The following DNAH7 variants were observed in gnomAD, a reference collection of about 807,000 sequenced individuals.
DNAH7 encodes dynein axonemal heavy chain 7.
DNAH7 carries 397 observed loss-of-function variants against 444.6 expected under a neutral mutation model. That is an observed-to-expected ratio of 0.89 (90% CI 0.82 to 0.97). DNAH7 has a LOEUF of 0.97. Ranked by LOEUF, DNAH7 falls within the 50% of genes least tolerant of loss-of-function variation. The pLI, the probability that DNAH7 is intolerant of heterozygous loss-of-function variation, is 0.00. For synonymous variants in DNAH7, 1,636 were observed against 1,624.4 expected, an observed-to-expected ratio of 1.01 and a Z score of -0.17; for missense variants, 4,902 against 4,800.8, an observed-to-expected ratio of 1.02 and a Z score of -0.62.
At chr2:196,033,986 G>T (rs1172135928) in intron 5 of DNAH7, among the ~76,000 whole-genome samples, 1 of 152,080 alleles carries the variant, frequency 6.6e-6, no homozygotes, top group Non-Finnish European at 1.5e-5. Flanking sequence ...GTGAAAATCT[G>T]AATGCTTTCT....
chr2:195,836,836 A>G (rs893176772), intron 47 of DNAH7, among the ~76,000 whole-genome samples: 4 of 152,220 alleles, frequency 2.6e-5, no homozygotes, highest in Admixed American at 2.6e-4. Context: ...TCACTCTTGT[A>G]TCACTTCCAC....
In DNAH7 at chr2:195,816,957, T is replaced by G. The variant is rs1345417984; in HGVS notation, c.9432A>C (p.Leu3144Phe). The G allele has an allele frequency of 6.3e-7, 1 of 1,584,518 alleles. No individual in the cohort carries two copies. Among genetic ancestry groups the G allele is most frequent in the African/African-American group, 1.4e-5 (1 of 73,294 alleles). ...CTAAAATCTTGTCTTCTATTTCTTT[T>G]AACTGCCTGGAATAAAACAAAATTT... ...ILQGAENKRQ[L>F]KEIEDKILEV... The change falls in exon 51 of 65, where the codon TTA becomes TTC. Residue 3144 changes from leucine (L) to phenylalanine (F), a missense_variant. By Grantham distance (22) the Leu-to-Phe change is conservative (BLOSUM62 0). Coordinates refer to ENST00000312428, the MANE Select transcript of DNAH7 (RefSeq NM_018897.3).
intron 63 of DNAH7, among the ~76,000 whole-genome samples, chr2:195,750,492 GAATT>G (rs1418655153): frequency 2.6e-5 from 4 of 152,156 alleles, no homozygotes; most frequent in Non-Finnish European, 5.9e-5. Context: ...TCATGCATCT[GAATT>G]AAATACTTAA....
chr2:195,995,056 A>C, intron 12 of DNAH7: 1 of 252,616 alleles, frequency 4.0e-6, no homozygotes, highest in Non-Finnish European at 7.7e-6. Flanking sequence ...CAGCCTCCCG[A>C]GCAGCTGGGA....
intron 15 of DNAH7, among the ~76,000 whole-genome samples, chr2:195,978,352 A>C (rs1243371699): frequency 6.6e-6 from 1 of 152,156 alleles, no homozygotes; most frequent in Non-Finnish European, 1.5e-5. Context: ...AAATTATAAG[A>C]TATTATTTGC....
At chr2:195,961,022 A>G in intron 17 of DNAH7, 77 bp from the exon 18 acceptor site, 1 of 1,245,148 alleles carries the variant, frequency 8.0e-7, no homozygotes, top group Non-Finnish European at 1.1e-6. Context: ...TTAAATATCT[A>G]TTTCAAATGT....
In DNAH7 at chr2:195,891,803, C is replaced by A. The variant is rs201322340; in HGVS notation, c.4898G>T (p.Gly1633Val). The change falls in exon 31 of 65, where the codon GGG becomes GTG. Residue 1633 changes from glycine to valine, a missense_variant and splice_region_variant. Coordinates refer to ENST00000312428, the MANE Select transcript of DNAH7 (RefSeq NM_018897.3). ...TTGAACTTTGTTTTCTTCCATTAGC[C>A]CCTTAATGAAAAAAAAAAACATTTA... The part of the protein sequence containing the change: ...AGALNDICEK[G>V]LMEENKVQIT... 15 of 1,469,100 alleles carry A rather than the reference C, an allele frequency of 1.0e-5. No homozygotes were observed. The highest frequency in any genetic ancestry group is 2.5e-5 in the Admixed American group (1 of 40,782). The allele number at this position is 1,469,100 out of a possible 1,614,324, so 91.0% of individuals were successfully genotyped here. A position where few individuals can be genotyped will look rare whatever the true frequency, so the allele number is the denominator to read the frequency against.
intron 15 of DNAH7, among the ~76,000 whole-genome samples, chr2:195,974,789 C>T (rs1692074164): frequency 6.6e-6 from 1 of 151,402 alleles, no homozygotes; most frequent in Non-Finnish European, 1.5e-5. Context: ...CACACACACA[C>T]ACACACAGTC....
chr2:196,042,044 T>C (rs115268003), intron 5 of DNAH7, among the ~76,000 whole-genome samples: 4,248 of 151,830 alleles, frequency 0.028, 95 homozygotes, highest in East Asian at 0.089. Context: ...ATGGCTATTA[T>C]CAAAAAGACA....
chr2:195,945,959 G>T (rs569293942), intron 19 of DNAH7, among the ~76,000 whole-genome samples: 1 of 152,120 alleles, frequency 6.6e-6, no homozygotes, highest in Non-Finnish European at 1.5e-5. Flanking sequence ...TCTCAAGAAG[G>T]GGGGCCCAAG....
intron 1 of DNAH7, among the ~76,000 whole-genome samples, chr2:196,062,995 G>A (rs1164049764): frequency 6.6e-6 from 1 of 152,126 alleles, no homozygotes; most frequent in East Asian, 1.9e-4. Flanking sequence ...CCATTCTCCT[G>A]CCTAAGCCTC....
At chr2:195,804,905 C>G (rs374234045) in intron 54 of DNAH7, among the ~76,000 whole-genome samples, 2 of 151,996 alleles carry the variant, frequency 1.3e-5, no homozygotes, top group East Asian at 3.8e-4. Context: ...GAAGATGATA[C>G]AAGACAGAGG....
At chr2:195,875,100 A>G (rs1289351074) in intron 38 of DNAH7, among the ~76,000 whole-genome samples, 1 of 152,208 alleles carries the variant, frequency 6.6e-6, no homozygotes, top group Non-Finnish European at 1.5e-5. Flanking sequence ...CTCTACACAG[A>G]GATTCCTTTG....
At chr2:195,798,145 CAATTTTTTTTGGCCTAGTA>C (rs1199156285) in intron 55 of DNAH7, among the ~76,000 whole-genome samples, 1 of 152,084 alleles carries the variant, frequency 6.6e-6, no homozygotes. Context: ...TGCCTTATAT[CAATTTTTTTTGGCCTAGTA>C]AATTTTTTTT....
chr2:195,890,901 A>C (rs2125222584), intron 31 of DNAH7, among the ~76,000 whole-genome samples: 1 of 152,322 alleles, frequency 6.6e-6, no homozygotes, highest in South Asian at 2.1e-4. Flanking sequence ...ACACTTATAA[A>C]AAGAATGATT....
At chr2:195,891,549 C>A in intron 31 of DNAH7, 106 bp downstream of exon 31, 1 of 1,038,096 alleles carries the variant, frequency 9.6e-7, no homozygotes, top group South Asian at 3.0e-5. Flanking sequence ...TAAATAATAT[C>A]TTAATCTATA....
intron 1 of DNAH7, among the ~76,000 whole-genome samples, chr2:196,064,902 AT>A (rs1033269585): frequency 2.0e-5 from 3 of 152,174 alleles, no homozygotes; most frequent in Admixed American, 2.0e-4. Flanking sequence ...TTGGGCATGT[AT>A]TTTAGTATAA....
At position 196,057,948 on chromosome 2, in the gene DNAH7, T is replaced by C. The variant is rs938261683; in HGVS notation, c.78+106A>G. 4.5e-6 allele frequency: 4 copies of C among 884,666 alleles called. No homozygotes were observed. In the South Asian group the frequency reaches 1.1e-4, roughly 24 times the overall value. The allele number at this position is 884,666 out of a possible 1,614,324, so 54.8% of individuals were successfully genotyped here. A position where few individuals can be genotyped will look rare whatever the true frequency, so the allele number is the denominator to read the frequency against. ...AAGAATCAAATGGAATTTAAAATTG[T>C]ATAAAATTTAAAATCAGAAATTCAG... On this transcript the variant is annotated intron_variant, in intron 2 of 64. Transcript: ENST00000312428.
chr2:195,809,879 T>C lies in DNAH7; in HGVS notation c.9762-8A>G, dbSNP rs765412228. On this transcript the variant is annotated splice_region_variant and splice_polypyrimidine_tract_variant and intron_variant, in intron 51 of 64. Transcript: ENST00000312428. Reference sequence around the variant, plus strand: ...TCCTTGAGAATCTGAAGCCTAAGGGTCAACAGAAAATAAAGGAAATAAATA... The same window carrying C: ...TCCTTGAGAATCTGAAGCCTAAGGGCCAACAGAAAATAAAGGAAATAAATA... 18 of 1,511,300 alleles carry C rather than the reference T, an allele frequency of 1.2e-5. No individual in the cohort carries two copies. The East Asian group carries it at 4.1e-4, about 35-fold the overall frequency. 93.6% of individuals were successfully genotyped at this position (1,511,300 alleles called of 1,614,324 possible). A position where few individuals can be genotyped will look rare whatever the true frequency, so the allele number is the denominator to read the frequency against.
Sources: gnomAD v4.1 joint callset for allele counts (sites outside exome capture counted in the v4.1 genomes callset) on GRCh38, gnomAD v4.1.1 for gene constraint, MANE v1.5 for transcripts, NCBI Gene and HGNC (gene_info 2026-07-23, HGNC 2026-07-21) for gene names.